RSRC1: variants seen among roughly 807,000 people sequenced by gnomAD.
RSRC1 encodes serine/Arginine-related protein 53.
Under a neutral mutation model 49.1 loss-of-function variants are expected in RSRC1, and 39 were observed. That is an observed-to-expected ratio of 0.79 (90% CI 0.61 to 1.04). The LOEUF (loss-of-function observed/expected upper bound fraction) is 1.04, where lower values mean the gene tolerates loss of function less well. Ranked by LOEUF, RSRC1 falls within the 50% of genes least tolerant of loss-of-function variation. The pLI is 0.00. For synonymous variants in RSRC1, 143 were observed against 130.8 expected, an observed-to-expected ratio of 1.09 and a Z score of -0.63; for missense variants, 388 against 402.4, an observed-to-expected ratio of 0.96 and a Z score of 0.31.
intron 4 of RSRC1, among the ~76,000 whole-genome samples, chr3:158,285,786 T>A (rs1204433440): frequency 1.3e-5 from 2 of 152,198 alleles, no homozygotes; most frequent in Non-Finnish European, 2.9e-5. Context: ...CTTAAGGATA[T>A]TTTGGGCTGA....
At chr3:158,433,916 C>T (rs985191337) in intron 6 of RSRC1, among the ~76,000 whole-genome samples, 2 of 151,866 alleles carry the variant, frequency 1.3e-5, no homozygotes, top group African/African-American at 4.8e-5. Context: ...TATATTTAAA[C>T]TTTATTCTCT....
At chr3:158,336,579 G>A (rs1190250021) in intron 5 of RSRC1, 2 of 152,288 alleles carry the variant, frequency 1.3e-5, no homozygotes, top group Non-Finnish European at 2.9e-5. Flanking sequence ...GATGTTCATT[G>A]CCTTTGGTTC....
intron 3 of RSRC1, among the ~76,000 whole-genome samples, chr3:158,195,714 A>G (rs1318932669): frequency 5.9e-5 from 9 of 152,176 alleles, no homozygotes; most frequent in Admixed American, 2.0e-4. Context: ...CTTTCTACAT[A>G]TGGCTAGCCA....
Position 158,529,796 on chromosome 3 carries a change from T to A in RSRC1, c.653-7296T>A, listed in dbSNP as rs915937141. 3.9e-5 allele frequency among the ~76,000 whole-genome samples: 6 copies of A among 151,928 alleles called. No homozygotes were observed. In the South Asian group the frequency reaches 6.2e-4, roughly 16 times the overall value. On this transcript the variant is annotated intron_variant, in intron 7 of 9. Transcript: ENST00000611884. ...ATGGTTTCTACCGCCTAACTGTCAT[T>A]TTGGGTAGTTTGTGTTATAAGACAT...
intron 7 of RSRC1, among the ~76,000 whole-genome samples, chr3:158,526,422 A>G (rs1189180343): frequency 6.6e-6 from 1 of 152,060 alleles, no homozygotes; most frequent in Admixed American, 6.6e-5. Context: ...ATTACGTATT[A>G]CCAAAAATTA....
intron 6 of RSRC1, among the ~76,000 whole-genome samples, chr3:158,426,838 G>C (rs1350940030): frequency 2.0e-5 from 3 of 151,750 alleles, no homozygotes; most frequent in African/African-American, 7.3e-5. Flanking sequence ...AGCCAAAAAG[G>C]AATGGGGGTT....
chr3:158,183,300 A>G (rs897296429), intron 3 of RSRC1, among the ~76,000 whole-genome samples: 5 of 152,042 alleles, frequency 3.3e-5, no homozygotes, highest in Non-Finnish European at 7.4e-5. Flanking sequence ...TATTTTTTCA[A>G]TGCTAAGTTC....
intron 7 of RSRC1, among the ~76,000 whole-genome samples, chr3:158,522,053 A>G (rs921790515): frequency 2.6e-5 from 4 of 152,068 alleles, no homozygotes; most frequent in African/African-American, 9.7e-5. Flanking sequence ...TCCAGCTGAA[A>G]AGTTTGCTAC....
chr3:158,495,155 G>A (rs1004260538), intron 7 of RSRC1, among the ~76,000 whole-genome samples: 1 of 152,122 alleles, frequency 6.6e-6, no homozygotes, highest in Non-Finnish European at 1.5e-5. Context: ...TAATCTTGTG[G>A]AACCACCGTT....
chr3:158,120,901 AT>A (rs941901694), intron 1 of RSRC1, among the ~76,000 whole-genome samples: 6 of 112,032 alleles, frequency 5.4e-5, no homozygotes, highest in Non-Finnish European at 8.8e-5. Flanking sequence ...TTAATAAAAA[AT>A]AGTATTGCAT....
At chr3:158,250,706 T>G (rs1291869120) in intron 4 of RSRC1, among the ~76,000 whole-genome samples, 1 of 152,254 alleles carries the variant, frequency 6.6e-6, no homozygotes, top group Non-Finnish European at 1.5e-5. Context: ...TCCTTATATA[T>G]TCTGGTTATT....
chr3:158,503,437 G>A (rs1423425429), intron 7 of RSRC1, among the ~76,000 whole-genome samples: 1 of 152,140 alleles, frequency 6.6e-6, no homozygotes, highest in Non-Finnish European at 1.5e-5. Context: ...GGTGGGCGGG[G>A]CCCTAGAACT....
intron 3 of RSRC1, among the ~76,000 whole-genome samples, chr3:158,179,851 T>C (rs1719475092): frequency 6.6e-6 from 1 of 152,210 alleles, no homozygotes; most frequent in African/African-American, 2.4e-5. Flanking sequence ...AAATTCCCAG[T>C]AGCACTATAT....
chr3:158,480,140 A>T (rs1487602956), intron 7 of RSRC1, among the ~76,000 whole-genome samples: 1 of 152,052 alleles, frequency 6.6e-6, no homozygotes, highest in East Asian at 1.9e-4. Context: ...TCCCCTTAAA[A>T]ATTAAAGTTT....
intron 6 of RSRC1, among the ~76,000 whole-genome samples, chr3:158,391,415 A>G (rs1040945330): frequency 6.6e-6 from 1 of 152,170 alleles, no homozygotes; most frequent in African/African-American, 2.4e-5. Flanking sequence ...GAAAGTTTCC[A>G]TATTGAAAAT....
chr3:158,525,150 C>A (rs1711930602), intron 7 of RSRC1, among the ~76,000 whole-genome samples: 1 of 151,796 alleles, frequency 6.6e-6, no homozygotes, highest in Admixed American at 6.6e-5. Flanking sequence ...AGAATGGAAG[C>A]AAATATTAGC....
chr3:158,510,463 C>G (rs1740095174), intron 7 of RSRC1, among the ~76,000 whole-genome samples: 1 of 151,836 alleles, frequency 6.6e-6, no homozygotes, highest in Non-Finnish European at 1.5e-5. Context: ...TCATATTCTC[C>G]AAAGAATTTC....
At chr3:158,144,583 C>T (rs1158552971) in intron 3 of RSRC1, among the ~76,000 whole-genome samples, 5 of 152,086 alleles carry the variant, frequency 3.3e-5, no homozygotes, top group Admixed American at 2.6e-4. Context: ...TGAATAGTGC[C>T]GCAGTAAACA....
intron 6 of RSRC1, among the ~76,000 whole-genome samples, chr3:158,437,482 A>C (rs937843410): frequency 7.2e-5 from 11 of 152,272 alleles, no homozygotes; most frequent in African/African-American, 2.4e-4. Context: ...AGTCAGCTTC[A>C]TCCCTGGGAT....
Sources: gnomAD v4.1 joint callset for allele counts (sites outside exome capture counted in the v4.1 genomes callset) on GRCh38, gnomAD v4.1.1 for gene constraint, MANE v1.5 for transcripts, NCBI Gene and HGNC (gene_info 2026-07-23, HGNC 2026-07-21) for gene names.